Variants in RAD51B observed in about 807,000 individuals in gnomAD.
RAD51B encodes the protein DNA repair protein RAD51 homolog 2.
A neutral mutation model predicts 42.2 loss-of-function variants in RAD51B; 38 were observed. The observed-to-expected ratio is 0.90, with a 90% CI of 0.70 to 1.18. The LOEUF is 1.18. Ranked by LOEUF, RAD51B falls within the 50% of genes most tolerant of loss-of-function variation. The pLI is 0.00. For missense variants in RAD51B, 373 were observed against 400.7 expected, an observed-to-expected ratio of 0.93 and a Z score of 0.59; for synonymous variants, 154 against 145.2, an observed-to-expected ratio of 1.06 and a Z score of -0.43.
chr14:67,881,090 A>G (rs547102722), intron 5 of RAD51B, among the ~76,000 whole-genome samples: 1 of 152,304 alleles, frequency 6.6e-6, no homozygotes, highest in African/African-American at 2.4e-5. Context: ...TGAATAGGCA[A>G]TTACAACACA....
chr14:68,514,926 T>C (rs1427055576), intron 10 of RAD51B, among the ~76,000 whole-genome samples: 1 of 152,188 alleles, frequency 6.6e-6, no homozygotes, highest in African/African-American at 2.4e-5. Flanking sequence ...TCTTGCACTC[T>C]CTTAAATAAA....
At chr14:67,998,426 A>T (rs2075423515) in intron 7 of RAD51B, among the ~76,000 whole-genome samples, 1 of 152,230 alleles carries the variant, frequency 6.6e-6, no homozygotes, top group African/African-American at 2.4e-5. Context: ...CATGTGTAGG[A>T]ATGCTATGTT....
intron 10 of RAD51B, among the ~76,000 whole-genome samples, chr14:68,538,962 C>T (rs775459886): frequency 1.1e-4 from 16 of 152,346 alleles, no homozygotes; most frequent in Non-Finnish European, 2.1e-4. Flanking sequence ...TATAAAGCCA[C>T]CATGCCATCA....
At chr14:68,217,716 T>A (rs1471235108) in intron 7 of RAD51B, among the ~76,000 whole-genome samples, 1 of 152,170 alleles carries the variant, frequency 6.6e-6, no homozygotes, top group African/African-American at 2.4e-5. Context: ...TAAGCCTGAC[T>A]CTCATAGCCT....
intron 10 of RAD51B, among the ~76,000 whole-genome samples, chr14:68,484,493 G>T (rs565706314): frequency 4.0e-4 from 60 of 151,740 alleles, no homozygotes; most frequent in Non-Finnish European, 7.2e-4. Flanking sequence ...GAGTAGCTGG[G>T]ACTACAGGCG....
chr14:68,033,901 G>T (rs551097183), intron 7 of RAD51B, among the ~76,000 whole-genome samples: 1 of 152,274 alleles, frequency 6.6e-6, no homozygotes, highest in East Asian at 1.9e-4. Flanking sequence ...TGTGACAGAT[G>T]ATGGAAGGTA....
chr14:68,083,604 A>G (rs921141264), intron 7 of RAD51B, among the ~76,000 whole-genome samples: 1 of 152,224 alleles, frequency 6.6e-6, no homozygotes, highest in African/African-American at 2.4e-5. Context: ...GAAAATTAGT[A>G]GAAAAAAGCC....
intron 11 of RAD51B, among the ~76,000 whole-genome samples, chr14:68,669,521 CTCTT>C (rs1893108279): frequency 6.6e-6 from 1 of 152,104 alleles, no homozygotes; most frequent in Non-Finnish European, 1.5e-5. Flanking sequence ...TTTGGGAAGA[CTCTT>C]TGTTCTTTCT....
At chr14:68,242,672 A>C (rs890141453) in intron 7 of RAD51B, among the ~76,000 whole-genome samples, 2 of 152,212 alleles carry the variant, frequency 1.3e-5, no homozygotes, top group African/African-American at 2.4e-5. Context: ...TTATAGCCAC[A>C]ATTTACTGAG....
intron 10 of RAD51B, chr14:68,540,077 A>T: frequency 1.8e-6 from 1 of 562,156 alleles, no homozygotes; most frequent in Non-Finnish European, 2.3e-6. Flanking sequence ...CCAAAGCAAT[A>T]GAGGGACAGA....
At chr14:68,105,437 G>A (rs2077360367) in intron 7 of RAD51B, among the ~76,000 whole-genome samples, 1 of 151,940 alleles carries the variant, frequency 6.6e-6, no homozygotes. Context: ...GCCTATGTAT[G>A]GAAAATTTCA....
intron 7 of RAD51B, among the ~76,000 whole-genome samples, chr14:68,037,771 CATA>C (rs1434926097): frequency 1.3e-5 from 2 of 152,320 alleles, no homozygotes; most frequent in Middle Eastern, 3.4e-3. Context: ...TGTTTTGCAG[CATA>C]ATAACACTTG....
At chr14:68,125,502 A>T (rs1379486094) in intron 7 of RAD51B, 1 of 152,204 alleles carries the variant, frequency 6.6e-6, no homozygotes, top group East Asian at 1.9e-4. Flanking sequence ...TTAATCTGAT[A>T]TTGCTTAGAA....
chr14:68,589,278 A>G (rs953127548), intron 10 of RAD51B, among the ~76,000 whole-genome samples: 10 of 152,276 alleles, frequency 6.6e-5, no homozygotes, highest in East Asian at 1.9e-4. Flanking sequence ...AAAATTACAA[A>G]CAAGAGAGTG....
chr14:67,943,850 A>G (rs1301053071), intron 7 of RAD51B, among the ~76,000 whole-genome samples: 1 of 152,184 alleles, frequency 6.6e-6, no homozygotes, highest in Non-Finnish European at 1.5e-5. Flanking sequence ...GTGGAAAGAA[A>G]GCGGGTAAAA....
At chr14:68,508,684 G>T (rs1885511941) in intron 10 of RAD51B, among the ~76,000 whole-genome samples, 1 of 152,174 alleles carries the variant, frequency 6.6e-6, no homozygotes, top group South Asian at 2.1e-4. Context: ...CTGCTCCAAG[G>T]CAGCAGCTTC....
At chr14:68,172,818 C>G (rs1379534363) in intron 7 of RAD51B, among the ~76,000 whole-genome samples, 4 of 152,170 alleles carry the variant, frequency 2.6e-5, no homozygotes, top group East Asian at 3.9e-4. Context: ...GACACTTAAT[C>G]CTGTGAATGA....
intron 7 of RAD51B, among the ~76,000 whole-genome samples, chr14:68,049,373 T>G (rs1595319944): frequency 6.6e-6 from 1 of 152,134 alleles, no homozygotes; most frequent in Non-Finnish European, 1.5e-5. Flanking sequence ...TATATACATA[T>G]GTATAAAGTA....
chr14:68,095,971 CAAAAAAAAAAAAAA>C (rs56862052), intron 7 of RAD51B, among the ~76,000 whole-genome samples: 6 of 62,620 alleles, frequency 9.6e-5, no homozygotes, highest in Non-Finnish European at 2.1e-4. Flanking sequence ...GACTCCGTCT[CAAAAAAAAAAAAAA>C]AAAAAAAAAA....
Sources: gnomAD v4.1 joint callset for allele counts (sites outside exome capture counted in the v4.1 genomes callset) on GRCh38, gnomAD v4.1.1 for gene constraint, MANE v1.5 for transcripts, NCBI Gene and HGNC (gene_info 2026-07-23, HGNC 2026-07-21) for gene names.